ADAMTS18: variants seen among roughly 807,000 people sequenced by gnomAD.
ADAMTS18 encodes A disintegrin and metalloproteinase with thrombospondin motifs 18.
Under a neutral mutation model 165.9 loss-of-function variants are expected in ADAMTS18, and 157 were observed. The observed-to-expected ratio is 0.95, with a 90% CI of 0.83 to 1.08. The LOEUF (loss-of-function observed/expected upper bound fraction) is 1.08, where lower values mean the gene tolerates loss of function less well. Ranked by LOEUF, ADAMTS18 falls within the 50% of genes least tolerant of loss-of-function variation. The probability of loss-of-function intolerance (pLI) is 0.00; values close to 1 mark genes in which losing one functional copy is unlikely to be tolerated. For synonymous variants in ADAMTS18, 782 were observed against 578.2 expected, an observed-to-expected ratio of 1.35 and a Z score of -5.06; for missense variants, 2,040 against 1,534.0, an observed-to-expected ratio of 1.33 and a Z score of -5.51.
At chr16:77,346,208 C>A (rs2056473527) in intron 10 of ADAMTS18, among the ~76,000 whole-genome samples, 1 of 152,120 alleles carries the variant, frequency 6.6e-6, no homozygotes, top group South Asian at 2.1e-4. Context: ...TATCTTATTC[C>A]AAACTTACTT....
intron 19 of ADAMTS18, among the ~76,000 whole-genome samples, chr16:77,294,424 T>C (rs1226697660): frequency 6.6e-6 from 1 of 151,950 alleles, no homozygotes; most frequent in Non-Finnish European, 1.5e-5. Context: ...AATTCTGAGC[T>C]GTGAACGACA....
chr16:77,418,062 T>C (rs898712147), intron 3 of ADAMTS18, among the ~76,000 whole-genome samples: 1 of 152,222 alleles, frequency 6.6e-6, no homozygotes, highest in Non-Finnish European at 1.5e-5. Context: ...AATACATCTC[T>C]GTTTCTTTAG....
At chr16:77,331,009 A>G (rs1015177076) in intron 12 of ADAMTS18, among the ~76,000 whole-genome samples, 2 of 152,228 alleles carry the variant, frequency 1.3e-5, no homozygotes, top group African/African-American at 2.4e-5. Flanking sequence ...GGGAGAGCCT[A>G]TCATCTACTT....
intron 7 of ADAMTS18, among the ~76,000 whole-genome samples, chr16:77,360,697 T>G (rs774893093): frequency 6.6e-6 from 1 of 152,206 alleles, no homozygotes; most frequent in African/African-American, 2.4e-5. Flanking sequence ...CCAAAATCAT[T>G]GTGTTTTTGA....
At chr16:77,342,095 GTGA>G (rs1425650976) in intron 10 of ADAMTS18, among the ~76,000 whole-genome samples, 1 of 152,182 alleles carries the variant, frequency 6.6e-6, no homozygotes, top group Non-Finnish European at 1.5e-5. Flanking sequence ...TCTCATGATA[GTGA>G]TGATGATAAC....
At chr16:77,387,221 G>A (rs1280366799) in intron 3 of ADAMTS18, among the ~76,000 whole-genome samples, 1 of 152,184 alleles carries the variant, frequency 6.6e-6, no homozygotes, top group Non-Finnish European at 1.5e-5. Context: ...TAACCATCAT[G>A]CAAATTCTCT....
chr16:77,337,908 C>CTTTTT (rs10679600), intron 11 of ADAMTS18, among the ~76,000 whole-genome samples: 31 of 140,828 alleles, frequency 2.2e-4, no homozygotes, highest in African/African-American at 6.8e-4. Context: ...CTTTTCTTTT[C>CTTTTT]TTTTTTTTTT....
chr16:77,305,328 T>C (rs944627785), intron 16 of ADAMTS18, among the ~76,000 whole-genome samples: 18 of 152,214 alleles, frequency 1.2e-4, no homozygotes, highest in African/African-American at 4.1e-4. Context: ...ATAGAATCTC[T>C]GTGGGAAAGT....
chr16:77,429,602 G>A (rs140090709), intron 3 of ADAMTS18, among the ~76,000 whole-genome samples: 2,522 of 152,098 alleles, frequency 0.017, 29 homozygotes, highest in Non-Finnish European at 0.026. Context: ...AAAAAAAATG[G>A]ATAAAAACAT....
At chr16:77,291,616 G>C (rs192226844) in intron 20 of ADAMTS18, 138 bp from the exon 21 acceptor site, 8 of 909,250 alleles carry the variant, frequency 8.8e-6, no homozygotes, top group Non-Finnish European at 1.4e-5. Flanking sequence ...ACACTCACTC[G>C]AGGATCTTAC....
Position 77,359,490 on chromosome 16 carries a change from T to C in ADAMTS18, c.1217-67A>G, listed in dbSNP as rs114489973. 1,998 of 1,340,384 alleles carry C rather than the reference T, an allele frequency of 1.5e-3. 24 individuals carry two copies. The African/African-American group carries it at 0.025, about 17-fold the overall frequency. The allele number at this position is 1,340,384 out of a possible 1,614,324, so 83.0% of individuals were successfully genotyped here. ...CACACAGATACATGATGATGATTTA[T>C]GTCCTCAAAATGTTCTACACAGTTT... On this transcript the variant is annotated intron_variant, in intron 7 of 22. Coordinates refer to ENST00000282849, the MANE Select transcript of ADAMTS18 (RefSeq NM_199355.4).
intron 3 of ADAMTS18, among the ~76,000 whole-genome samples, chr16:77,387,817 A>C (rs1387724286): frequency 6.6e-6 from 1 of 152,204 alleles, no homozygotes; most frequent in Non-Finnish European, 1.5e-5. Context: ...TGAGTAAAGC[A>C]ACCTTTTCTA....
rs541387812 is a variant in ADAMTS18, at chr16:77,389,189, T to C, written c.496-21466A>G. On this transcript the variant is annotated intron_variant, in intron 3 of 22. Coordinates refer to ENST00000282849, the MANE Select transcript of ADAMTS18 (RefSeq NM_199355.4). ...GGTTGCACATACCTGTGGTCTCAGC[T>C]AGTCAAGAAGGAGGCTGAAGCAGGA... Among the ~76,000 whole-genome samples, 8 of 152,188 alleles carry C rather than the reference T, an allele frequency of 5.3e-5. No homozygotes were observed. The South Asian group carries it at 1.7e-3, about 32-fold the overall frequency.
chr16:77,311,916 T>C (rs1168059158), intron 16 of ADAMTS18, among the ~76,000 whole-genome samples: 1 of 152,206 alleles, frequency 6.6e-6, no homozygotes, highest in Non-Finnish European at 1.5e-5. Context: ...CAGGCAAACA[T>C]GACCTTATTC....
intron 3 of ADAMTS18, among the ~76,000 whole-genome samples, chr16:77,400,480 G>GT (rs1242022512): frequency 9.6e-6 from 1 of 104,034 alleles, no homozygotes; most frequent in Non-Finnish European, 2.3e-5. Context: ...GTGTGTGTGT[G>GT]TTTTGTTTTT....
intron 4 of ADAMTS18, 65 bp downstream of exon 4, chr16:77,367,376 C>T: frequency 6.3e-7 from 1 of 1,599,090 alleles, no homozygotes; most frequent in Non-Finnish European, 8.6e-7. Context: ...GTACACCCAA[C>T]AGCACTCAGG....
intron 18 of ADAMTS18, among the ~76,000 whole-genome samples, chr16:77,296,122 AC>A (rs1466441866): frequency 1.3e-5 from 2 of 152,152 alleles, no homozygotes; most frequent in Non-Finnish European, 2.9e-5. Context: ...ATGATCTAAA[AC>A]ATTGGTGAAT....
At chr16:77,417,638 A>G (rs1597250155) in intron 3 of ADAMTS18, among the ~76,000 whole-genome samples, 1 of 152,338 alleles carries the variant, frequency 6.6e-6, no homozygotes, top group East Asian at 1.9e-4. Flanking sequence ...TATGGCGACT[A>G]TTTTTAAAAG....
At chr16:77,380,508 A>G (rs1407981784) in intron 3 of ADAMTS18, among the ~76,000 whole-genome samples, 1 of 152,374 alleles carries the variant, frequency 6.6e-6, no homozygotes, top group East Asian at 1.9e-4. Context: ...CCCATTCTCA[A>G]AAGAGTATGT....
Sources: gnomAD v4.1 joint callset for allele counts (sites outside exome capture counted in the v4.1 genomes callset) on GRCh38, gnomAD v4.1.1 for gene constraint, MANE v1.5 for transcripts, NCBI Gene and HGNC (gene_info 2026-07-23, HGNC 2026-07-21) for gene names.